The following STK4 variants were observed in gnomAD, a reference collection of about 807,000 sequenced individuals.
The protein encoded by STK4 is serine/threonine kinase 4.
A neutral mutation model predicts 64.9 loss-of-function variants in STK4; 30 were observed. The ratio of observed to expected loss-of-function variants is 0.46; its 90% CI spans 0.35 to 0.63. STK4 has a LOEUF of 0.63. Ranked by LOEUF, STK4 falls within the 20% of genes least tolerant of loss-of-function variation. The pLI is 0.01. For synonymous variants in STK4, 177 were observed against 199.0 expected (o/e 0.89, Z 0.93); for missense variants, 466 against 598.5 (o/e 0.78, Z 2.31).
chr20:45,001,501 G>T, intron 9 of STK4, 148 bp downstream of exon 9: 1 of 950,078 alleles, frequency 1.1e-6, no homozygotes. Context: ...TTGCGATGGG[G>T]ACAGGAGGTT....
intron 10 of STK4, among the ~76,000 whole-genome samples, chr20:45,042,708 A>G (rs1340707966): frequency 2.0e-5 from 3 of 152,132 alleles, no homozygotes; most frequent in African/African-American, 7.2e-5. Flanking sequence ...TCTAATGGAC[A>G]GTGTAGGGAG....
intron 10 of STK4, among the ~76,000 whole-genome samples, chr20:45,073,387 G>A (rs189717314): frequency 1.5e-3 from 221 of 152,152 alleles, no homozygotes; most frequent in African/African-American, 5.2e-3. Context: ...CCCTGAAGCA[G>A]GCCAAGGAAA....
intron 9 of STK4, among the ~76,000 whole-genome samples, chr20:45,003,018 TA>T (rs536875724): frequency 3.9e-5 from 6 of 152,300 alleles, no homozygotes; most frequent in African/African-American, 1.2e-4. Context: ...TTTAAGTTAT[TA>T]TTTTTTTAAC....
In STK4 at chr20:45,079,288, GTAT is replaced by G. The variant is rs1163644839; in HGVS notation, c.*4119_*4121del. On this transcript the variant is annotated 3_prime_UTR_variant, in exon 11 of 11. Coordinates refer to ENST00000372806, the MANE Select transcript of STK4 (RefSeq NM_006282.5). ...AACTTAATAGTGCTGGGAGATATAG[GTAT>G]TATTATCCTCATTTTACAGATGTGA... 2 of 152,134 alleles carry G rather than the reference GTAT, an allele frequency of 1.3e-5. No homozygotes were observed. The highest frequency in any genetic ancestry group is 4.8e-5 in the African/African-American group (2 of 41,422). 9.4% of individuals were successfully genotyped at this position (152,134 alleles called of 1,614,324 possible).
At chr20:45,032,368 C>G (rs1713117744) in intron 10 of STK4, among the ~76,000 whole-genome samples, 2 of 152,094 alleles carry the variant, frequency 1.3e-5, no homozygotes, top group Admixed American at 1.3e-4. Context: ...TATTTCATCA[C>G]ACAGGTAATA....
In STK4 at chr20:45,068,557, T is replaced by C. The variant is rs1979783953; in HGVS notation, c.1306-6461T>C. On this transcript the variant is annotated intron_variant, in intron 10 of 10. Coordinates refer to ENST00000372806, the MANE Select transcript of STK4 (RefSeq NM_006282.5). ...CGTTACCACTAGTGGCATTTCTGAATGTGAGGGCCATCTGATGTATCTAAT... is the reference window on the plus strand; with the variant it reads ...CGTTACCACTAGTGGCATTTCTGAACGTGAGGGCCATCTGATGTATCTAAT... 2.0e-5 allele frequency among the ~76,000 whole-genome samples: 3 copies of C among 152,236 alleles called. No homozygotes were observed. The South Asian group carries it at 6.2e-4, about 31-fold the overall frequency.
At position 45,000,408 on chromosome 20, in the gene STK4, G is replaced by T. The variant is rs1601237714; in HGVS notation, c.848G>T (p.Ser283Ile). 2 of 1,613,886 alleles carry T rather than the reference G, an allele frequency of 1.2e-6. No homozygotes were observed. Among genetic ancestry groups the T allele is most frequent in the East Asian group, 2.2e-5 (1 of 44,870 alleles). Residue 283 changes from serine (S) to isoleucine (I), a missense_variant, in exon 8 of 11, where the codon AGT (serine) becomes ATT (isoleucine). By Grantham distance (142) the Ser-to-Ile change is moderately radical (BLOSUM62 -2). Transcript: ENST00000372806. ...TQLLQHPFVR[S>I]AKGVSILRDL... is the part of the protein sequence containing the mutation. ...TTCTTTTAGCACCCATTTGTCAGGA[G>T]TGCCAAAGGAGTGTCAATACTGCGA...
chr20:44,987,662 T>C (rs937549017), intron 5 of STK4, among the ~76,000 whole-genome samples: 3 of 152,146 alleles, frequency 2.0e-5, no homozygotes. Flanking sequence ...AACTTCCAGG[T>C]AGTACTTGGC....
At chr20:44,997,643 G>A (rs2067758934) in intron 7 of STK4, among the ~76,000 whole-genome samples, 1 of 152,192 alleles carries the variant, frequency 6.6e-6, no homozygotes, top group Admixed American at 6.5e-5. Context: ...GCCGCAGTGA[G>A]GCATGATTGT....
chr20:44,971,637 T>C (rs2067247345), intron 1 of STK4, among the ~76,000 whole-genome samples: 1 of 151,884 alleles, frequency 6.6e-6, no homozygotes, highest in Non-Finnish European at 1.5e-5. Context: ...CATCGAATGC[T>C]TGAATCTACA....
At position 45,076,622 on chromosome 20, in the gene STK4, C is replaced by T. The variant is rs1980537168; in HGVS notation, c.*1446C>T. 1.3e-5 allele frequency: 2 copies of T among 152,264 alleles called. No individual in the cohort carries two copies. Among genetic ancestry groups the T allele is most frequent in the South Asian group, 4.1e-4 (2 of 4,830 alleles). 9.4% of individuals were successfully genotyped at this position (152,264 alleles called of 1,614,324 possible). On this transcript the variant is annotated 3_prime_UTR_variant, in exon 11 of 11. Transcript: ENST00000372806. The surrounding 1 kb of genome is among the most constrained non-coding windows in gnomAD (Gnocchi z 4.0). ...ACATCTACCAGATATAGCAGACAAG[C>T]ACCCATGGAGGCAGGTTTCGGGCCT... is the stretch of plus-strand genomic sequence containing the variant.
chr20:45,012,816 G>A (rs1376903380), intron 9 of STK4, among the ~76,000 whole-genome samples: 4 of 124,028 alleles, frequency 3.2e-5, no homozygotes, highest in African/African-American at 1.0e-4. Flanking sequence ...TTTTTTTTGA[G>A]GCACTGTCTC....
intron 9 of STK4, among the ~76,000 whole-genome samples, chr20:45,014,755 T>C (rs574275683): frequency 1.2e-4 from 19 of 152,164 alleles, no homozygotes; most frequent in Non-Finnish European, 2.2e-4. Context: ...GATAATGTCA[T>C]GGTTTTCTTG....
At chr20:45,046,567 T>C (rs922827215) in intron 10 of STK4, among the ~76,000 whole-genome samples, 1 of 152,142 alleles carries the variant, frequency 6.6e-6, no homozygotes. Flanking sequence ...AGTGTGCTTG[T>C]CAGTCTCATT....
At chr20:45,026,835 C>T (rs937400425) in intron 10 of STK4, among the ~76,000 whole-genome samples, 11 of 152,120 alleles carry the variant, frequency 7.2e-5, no homozygotes, top group African/African-American at 2.7e-4. Context: ...CCTTTGGCAC[C>T]CATCTGTTCC....
At chr20:45,050,508 A>T (rs1019112313) in intron 10 of STK4, among the ~76,000 whole-genome samples, 1 of 152,138 alleles carries the variant, frequency 6.6e-6, no homozygotes, top group Non-Finnish European at 1.5e-5. Context: ...ATTGGGTCAA[A>T]CTGTTCACAA....
intron 10 of STK4, among the ~76,000 whole-genome samples, chr20:45,028,817 A>G (rs532989474): frequency 4.7e-4 from 72 of 152,302 alleles, no homozygotes; most frequent in African/African-American, 1.7e-3. Flanking sequence ...CAGTTTTCTC[A>G]TACTAAGATC....
At chr20:44,994,592 T>A (rs1004644617) in intron 5 of STK4, among the ~76,000 whole-genome samples, 4 of 152,030 alleles carry the variant, frequency 2.6e-5, no homozygotes, top group African/African-American at 7.2e-5. Flanking sequence ...TTCCTCCTCA[T>A]CTCCCCCATT....
chr20:45,025,257 G>C (rs911565093), intron 10 of STK4, 127 bp downstream of exon 10: 1 of 1,079,124 alleles, frequency 9.3e-7, no homozygotes, highest in African/African-American at 1.6e-5. Context: ...TGTCTACTGA[G>C]CTGAAGGACA....
Sources: allele counts gnomAD v4.1 joint callset (sites outside exome capture counted in the v4.1 genomes callset), GRCh38; gene constraint gnomAD v4.1.1; non-coding constraint Gnocchi (gnomAD v3.1); transcripts MANE v1.5; gene names NCBI Gene and HGNC (gene_info 2026-07-23, HGNC 2026-07-21).